The following GDAP1 variants were observed in gnomAD, a reference collection of about 807,000 sequenced individuals.
The protein encoded by GDAP1 is ganglioside-induced differentiation-associated protein 1.
GDAP1 carries 34 observed loss-of-function variants against 40.1 expected under a neutral mutation model. That is an observed-to-expected ratio of 0.85 (90% CI 0.64 to 1.13). GDAP1 has a LOEUF of 1.13. GDAP1 is among the 50% of genes most tolerant of loss of function. The pLI is 0.00. For synonymous variants in GDAP1, 170 were observed against 157.4 expected (o/e 1.08, Z -0.60); for missense variants, 374 against 433.7 (o/e 0.86, Z 1.22).
intron 2 of GDAP1, among the ~76,000 whole-genome samples, chr8:74,395,408 G>A (rs1311041619): frequency 6.6e-6 from 1 of 152,104 alleles, no homozygotes; most frequent in Non-Finnish European, 1.5e-5. Context: ...CAGAATACAG[G>A]AATCTTAATT....
chr8:74,398,030 AT>A (rs1256192795), intron 2 of GDAP1, among the ~76,000 whole-genome samples: 2 of 151,040 alleles, frequency 1.3e-5, no homozygotes, highest in Non-Finnish European at 3.0e-5. Context: ...CTTTTATTTC[AT>A]TGAGTAGTGG....
At position 74,451,972 on chromosome 8, in the gene GDAP1, C is replaced by T. The variant is rs1358193022; in HGVS notation, c.166-36706C>T. The stretch of plus-strand genomic sequence containing the variant: ...ATTTAATTTAATTTAATTTTTGAGA[C>T]GGAGTCTTGCTCTGTCGCCCAGGCT... On this transcript the variant is annotated intron_variant, in intron 2 of 2. Transcript: ENST00000523640. 6.8e-4 allele frequency among the ~76,000 whole-genome samples: 21 copies of T among 30,776 alleles called. 9 individuals carry two copies. The highest frequency in any genetic ancestry group is 1.4e-3 in the African/African-American group (13 of 9,442). 20.2% of individuals were successfully genotyped at this position (30,776 alleles called of 152,430 possible).
intron 2 of GDAP1, among the ~76,000 whole-genome samples, chr8:74,434,723 C>A (rs976779431): frequency 6.6e-6 from 1 of 152,152 alleles, no homozygotes; most frequent in Non-Finnish European, 1.5e-5. Flanking sequence ...CTCTTTTTAT[C>A]CCTAGTTCTG....
chr8:74,397,116 G>A (rs1208039124), intron 2 of GDAP1, among the ~76,000 whole-genome samples: 1 of 151,912 alleles, frequency 6.6e-6, no homozygotes, highest in Non-Finnish European at 1.5e-5. Flanking sequence ...GTGATGGTGA[G>A]CATTTTTTCA....
At chr8:74,448,236 A>G (rs541482506) in intron 2 of GDAP1, among the ~76,000 whole-genome samples, 1 of 109,664 alleles carries the variant, frequency 9.1e-6, no homozygotes, top group African/African-American at 3.6e-5. Flanking sequence ...GAATTTCACT[A>G]AACAGATATA....
intron 2 of GDAP1, among the ~76,000 whole-genome samples, chr8:74,355,806 C>T (rs1316434171): frequency 6.6e-6 from 1 of 151,638 alleles, no homozygotes; most frequent in African/African-American, 2.4e-5. Context: ...CTGAACATCA[C>T]GTTCATGTCT....
intron 2 of GDAP1, among the ~76,000 whole-genome samples, chr8:74,355,058 C>A (rs369555243): frequency 3.9e-5 from 6 of 152,322 alleles, no homozygotes; most frequent in Non-Finnish European, 5.9e-5. Flanking sequence ...TTACATATTT[C>A]TATCCTTGTA....
chr8:74,486,232 T>G (rs997661529), intron 2 of GDAP1, among the ~76,000 whole-genome samples: 2 of 152,212 alleles, frequency 1.3e-5, no homozygotes, highest in Non-Finnish European at 2.9e-5. Context: ...GAGTTACTAT[T>G]ATTCGTTTTT....
intron 2 of GDAP1, among the ~76,000 whole-genome samples, chr8:74,358,311 GC>G (rs1416451474): frequency 6.6e-6 from 1 of 152,188 alleles, no homozygotes; most frequent in Non-Finnish European, 1.5e-5. Context: ...AAGCCCCAGG[GC>G]CCAGTACCAG....
intron 2 of GDAP1, among the ~76,000 whole-genome samples, chr8:74,380,348 G>A (rs1239005135): frequency 1.3e-5 from 2 of 152,156 alleles, no homozygotes; most frequent in African/African-American, 4.8e-5. Context: ...TATAGGAAAA[G>A]TAACTTGTCC....
intron 2 of GDAP1, among the ~76,000 whole-genome samples, chr8:74,402,342 G>T (rs1045311552): frequency 6.6e-6 from 1 of 150,430 alleles, no homozygotes; most frequent in African/African-American, 2.5e-5. Context: ...CTCCGTGGGC[G>T]TAGGACCCTC....
intron 2 of GDAP1, among the ~76,000 whole-genome samples, chr8:74,353,296 CAA>C (rs1238399724): frequency 6.6e-6 from 1 of 152,128 alleles, no homozygotes; most frequent in Non-Finnish European, 1.5e-5. Flanking sequence ...ACTCAGCAAT[CAA>C]GAGTCCTAGC....
chr8:74,397,705 A>G (rs1309163696), intron 2 of GDAP1, among the ~76,000 whole-genome samples: 1 of 152,034 alleles, frequency 6.6e-6, no homozygotes. Context: ...GTTCTGTTCC[A>G]TTGATCTATA....
intron 2 of GDAP1, among the ~76,000 whole-genome samples, chr8:74,464,706 A>G (rs1360209685): frequency 6.6e-6 from 1 of 152,182 alleles, no homozygotes; most frequent in Non-Finnish European, 1.5e-5. Context: ...TGTATATGCT[A>G]AGAGTATTGC....
chr8:74,445,277 A>G (rs1027269001), intron 2 of GDAP1, among the ~76,000 whole-genome samples: 2 of 152,194 alleles, frequency 1.3e-5, no homozygotes, highest in African/African-American at 4.8e-5. Context: ...CCATGAGGTT[A>G]ACTGTAGAAA....
At chr8:74,398,397 T>A (rs1443154804) in intron 2 of GDAP1, among the ~76,000 whole-genome samples, 2 of 152,164 alleles carry the variant, frequency 1.3e-5, no homozygotes, top group Non-Finnish European at 2.9e-5. Context: ...ACGGCACACT[T>A]GTATCCTGAG....
downstream of GDAP1, among the ~76,000 whole-genome samples, chr8:74,369,262 CAA>C (rs1238966898): frequency 6.6e-6 from 1 of 151,952 alleles, no homozygotes; most frequent in Non-Finnish European, 1.5e-5. Context: ...ACTAGACAAG[CAA>C]AGTTATAGGA....
chr8:74,350,532 T>C lies in GDAP1; in HGVS notation c.71T>C (p.Val24Ala). The C allele has an allele frequency of 6.2e-7, 1 of 1,613,112 alleles. No individual in the cohort carries two copies. The highest frequency in any genetic ancestry group is 1.1e-5 in the South Asian group (1 of 91,060). Residue 24 changes from valine (V) to alanine (A), a missense_variant, in exon 1 of 6, where the codon GTT (valine) becomes GCT (alanine). Val to Ala is a moderately conservative substitution (Grantham distance 64). Transcript: ENST00000220822. ...GCGGAAGGCAAGGCCGACGCGGAGG[T>C]TAAGCTCATTCTGTACCATTGGACG... ...LRAEGKADAEVKLILYHWTHS... is the reference protein window; with the variant it reads ...LRAEGKADAEAKLILYHWTHS...
At chr8:74,478,000 T>C (rs1374338643) in intron 2 of GDAP1, among the ~76,000 whole-genome samples, 1 of 152,048 alleles carries the variant, frequency 6.6e-6, no homozygotes, top group African/African-American at 2.4e-5. Context: ...GTGTATCCTA[T>C]GCGCACATTC....
Sources: gnomAD v4.1 joint callset for allele counts (sites outside exome capture counted in the v4.1 genomes callset) on GRCh38, gnomAD v4.1.1 for gene constraint, MANE v1.5 for transcripts, NCBI Gene and HGNC (gene_info 2026-07-23, HGNC 2026-07-21) for gene names.